Variants in APBB1IP observed in about 807,000 individuals in gnomAD.
APBB1IP encodes amyloid beta A4 precursor protein-binding family B member 1-interacting protein.
A neutral mutation model predicts 64.9 loss-of-function variants in APBB1IP; 27 were observed. The observed-to-expected ratio is 0.42, with a 90% CI of 0.31 to 0.57. The LOEUF (loss-of-function observed/expected upper bound fraction) is 0.57, where lower values mean the gene tolerates loss of function less well. Ranked by LOEUF, APBB1IP falls within the 20% of genes least tolerant of loss-of-function variation. The pLI is 0.20. For missense variants in APBB1IP, 812 were observed against 845.5 expected (o/e 0.96, Z 0.49); for synonymous variants, 392 against 331.0 (o/e 1.18, Z -2.00).
At chr10:26,498,176 C>T (rs1489547534) in intron 4 of APBB1IP, among the ~76,000 whole-genome samples, 3 of 152,062 alleles carry the variant, frequency 2.0e-5, no homozygotes, top group Non-Finnish European at 4.4e-5. Context: ...TTATTCCTGC[C>T]AGTCATTTCC....
At chr10:26,528,479 A>C (rs1172973418) in intron 8 of APBB1IP, among the ~76,000 whole-genome samples, 1 of 152,132 alleles carries the variant, frequency 6.6e-6, no homozygotes, top group African/African-American at 2.4e-5. Flanking sequence ...TGACCATCGC[A>C]GTCCATAGTA....
chr10:26,497,094 C>T (rs1021313869), intron 4 of APBB1IP, among the ~76,000 whole-genome samples: 5 of 152,072 alleles, frequency 3.3e-5, no homozygotes, highest in African/African-American at 1.2e-4. Flanking sequence ...ACTTGGGAGG[C>T]TGAGGCAGGA....
At chr10:26,521,083 T>G (rs1836395678) in intron 8 of APBB1IP, among the ~76,000 whole-genome samples, 1 of 152,252 alleles carries the variant, frequency 6.6e-6, no homozygotes. Flanking sequence ...TAACTCTTAA[T>G]GGATTCTTCT....
chr10:26,453,577 C>T (rs990396251), intron 2 of APBB1IP, among the ~76,000 whole-genome samples: 2 of 152,030 alleles, frequency 1.3e-5, no homozygotes, highest in African/African-American at 4.8e-5. Flanking sequence ...GGTGTTTGTC[C>T]CCTCTGGACC....
chr10:26,486,125 G>C (rs559401049), intron 2 of APBB1IP, among the ~76,000 whole-genome samples: 1 of 152,016 alleles, frequency 6.6e-6, no homozygotes, highest in Non-Finnish European at 1.5e-5. Context: ...AAAAGGCCCC[G>C]AATGGGACAA....
intron 2 of APBB1IP, among the ~76,000 whole-genome samples, chr10:26,455,025 C>T (rs1835506292): frequency 6.6e-6 from 1 of 152,200 alleles, no homozygotes; most frequent in Non-Finnish European, 1.5e-5. Context: ...TGATGGCTGT[C>T]TCTGCTCAGA....
intron 9 of APBB1IP, among the ~76,000 whole-genome samples, chr10:26,533,884 C>T (rs987189040): frequency 1.3e-5 from 2 of 151,804 alleles, no homozygotes; most frequent in Admixed American, 6.6e-5. Flanking sequence ...ACATTTTAGA[C>T]GTGGTAGGAA....
intron 6 of APBB1IP, among the ~76,000 whole-genome samples, chr10:26,506,249 G>GTT (rs1224995723): frequency 4.0e-5 from 3 of 75,468 alleles, no homozygotes; most frequent in South Asian, 5.6e-4. Flanking sequence ...CCGTGTGTGT[G>GTT]TGGGGGGGGG....
chr10:26,508,894 A>G (rs890828841), intron 6 of APBB1IP, among the ~76,000 whole-genome samples: 2 of 152,178 alleles, frequency 1.3e-5, no homozygotes, highest in African/African-American at 4.8e-5. Flanking sequence ...GTATGTTTTT[A>G]TAGAACATAA....
At chr10:26,509,241 A>AG (rs1441835071) in intron 6 of APBB1IP, among the ~76,000 whole-genome samples, 1 of 152,230 alleles carries the variant, frequency 6.6e-6, no homozygotes, top group Non-Finnish European at 1.5e-5. Flanking sequence ...ATACAAATAC[A>AG]GGGAAAAAGC....
intron 11 of APBB1IP, among the ~76,000 whole-genome samples, chr10:26,553,481 G>A (rs750812628): frequency 1.3e-5 from 2 of 152,004 alleles, no homozygotes; most frequent in Non-Finnish European, 2.9e-5. Flanking sequence ...GTGAAACCTC[G>A]TCTCTACAAA....
intron 11 of APBB1IP, among the ~76,000 whole-genome samples, chr10:26,553,417 C>T (rs551575540): frequency 2.0e-5 from 3 of 152,134 alleles, no homozygotes; most frequent in South Asian, 2.1e-4. Context: ...TTTGGGAGGC[C>T]GAGGCAGGGG....
At chr10:26,472,799 T>C (rs1219357185) in intron 2 of APBB1IP, among the ~76,000 whole-genome samples, 2 of 152,054 alleles carry the variant, frequency 1.3e-5, no homozygotes, top group Non-Finnish European at 2.9e-5. Flanking sequence ...TAGCCAGGCA[T>C]GGTGCCACAC....
intron 2 of APBB1IP, among the ~76,000 whole-genome samples, chr10:26,442,540 G>A (rs1288753158): frequency 6.6e-6 from 1 of 152,168 alleles, no homozygotes; most frequent in Non-Finnish European, 1.5e-5. Flanking sequence ...TCCCCAAACC[G>A]ACTGGAGGGT....
At chr10:26,499,315 CA>C (rs979629877) in intron 4 of APBB1IP, among the ~76,000 whole-genome samples, 48 of 133,820 alleles carry the variant, frequency 3.6e-4, no homozygotes, top group Admixed American at 4.5e-4. Flanking sequence ...AACTCTGTCT[CA>C]AAAAAAAAAA....
chr10:26,564,261 G>A (rs1385238056), intron 14 of APBB1IP, among the ~76,000 whole-genome samples: 2 of 152,022 alleles, frequency 1.3e-5, no homozygotes, highest in Admixed American at 6.6e-5. Flanking sequence ...CCAGCTGCCT[G>A]GGGATGTTTC....
chr10:26,495,889 A>T (rs1012538615), intron 3 of APBB1IP, among the ~76,000 whole-genome samples: 13 of 143,970 alleles, frequency 9.0e-5, no homozygotes, highest in South Asian at 4.2e-4. Context: ...ACAGAATTTT[A>T]TATATATATA....
chr10:26,515,642 A>T (rs1444806132), intron 8 of APBB1IP, among the ~76,000 whole-genome samples: 1 of 152,232 alleles, frequency 6.6e-6, no homozygotes, highest in Non-Finnish European at 1.5e-5. Context: ...CCCAAGAGTC[A>T]TGCAACATGG....
At chr10:26,549,994 G>A (rs1342804255) in intron 11 of APBB1IP, among the ~76,000 whole-genome samples, 1 of 150,878 alleles carries the variant, frequency 6.6e-6, no homozygotes, top group Non-Finnish European at 1.5e-5. Context: ...CTTCATTTCT[G>A]AAGAATAGCT....
Sources: gnomAD v4.1 joint callset for allele counts (sites outside exome capture counted in the v4.1 genomes callset) on GRCh38, gnomAD v4.1.1 for gene constraint, MANE v1.5 for transcripts, NCBI Gene and HGNC (gene_info 2026-07-23, HGNC 2026-07-21) for gene names.